The following DLC1 variants were observed in gnomAD, a reference collection of about 807,000 sequenced individuals.
DLC1 encodes DLC1 Rho GTPase activating protein.
A neutral mutation model predicts 140.3 loss-of-function variants in DLC1; 54 were observed. The observed-to-expected ratio is 0.38, with a 90% CI of 0.31 to 0.48. The LOEUF (loss-of-function observed/expected upper bound fraction) is 0.48, where lower values mean the gene tolerates loss of function less well. DLC1 is among the 20% of genes least tolerant of loss of function. DLC1 has a pLI of 0.96. For synonymous variants in DLC1, 986 were observed against 728.1 expected, an observed-to-expected ratio of 1.35 and a Z score of -5.70; for missense variants, 2,536 against 1,907.0, an observed-to-expected ratio of 1.33 and a Z score of -6.14.
chr8:13,410,184 TA>T (rs1422764886), intron 2 of DLC1, among the ~76,000 whole-genome samples: 1 of 151,946 alleles, frequency 6.6e-6, no homozygotes, highest in African/African-American at 2.4e-5. Context: ...CAAAATAAAT[TA>T]AAATTAAAAA....
chr8:13,545,380 G>C (rs1563431912), intron 1 of DLC1, among the ~76,000 whole-genome samples: 1 of 151,698 alleles, frequency 6.6e-6, no homozygotes, highest in Non-Finnish European at 1.5e-5. Flanking sequence ...AGCTCCAGCT[G>C]CATAAATGTC....
intron 5 of DLC1, among the ~76,000 whole-genome samples, chr8:13,151,529 TAGTC>T (rs1299233966): frequency 2.0e-5 from 3 of 152,186 alleles, no homozygotes; most frequent in Non-Finnish European, 4.4e-5. Context: ...TCAATGGAAT[TAGTC>T]AGTCTAGAAA....
chr8:13,393,429 T>C, intron 4 of DLC1, 124 bp downstream of exon 4: 1 of 1,108,072 alleles, frequency 9.0e-7, no homozygotes, highest in Non-Finnish European at 1.2e-6. Context: ...ATAAATTAAA[T>C]ATCATTAAGT....
intron 2 of DLC1, among the ~76,000 whole-genome samples, chr8:13,453,556 ATTTTTTTT>A (rs370075708): frequency 2.6e-4 from 7 of 26,928 alleles, no homozygotes; most frequent in Non-Finnish European, 4.6e-4. Flanking sequence ...ATATATATAT[ATTTTTTTT>A]TTTTTTTTTT....
intron 2 of DLC1, among the ~76,000 whole-genome samples, chr8:13,496,819 GA>G (rs1801535896): frequency 7.6e-5 from 1 of 13,110 alleles, no homozygotes; most frequent in Non-Finnish European, 1.7e-4. Context: ...TTTTTTTTTT[GA>G]GATGGAGTTT....
rs751298283 is a variant in DLC1 at position 13,276,422 on chromosome 8, G to A, written c.1348+28847C>T. 4.9e-6 allele frequency: 7 copies of A among 1,441,552 alleles called. No individual in the cohort carries two copies. The Admixed American group carries it at 1.8e-4, about 38-fold the overall frequency. The allele number at this position is 1,441,552 out of a possible 1,614,324, so 89.3% of individuals were successfully genotyped here. A position where few individuals can be genotyped will look rare whatever the true frequency, so the allele number is the denominator to read the frequency against. On this transcript the variant is annotated intron_variant, in intron 5 of 17. Coordinates refer to ENST00000276297, the MANE Select transcript of DLC1 (RefSeq NM_182643.3). ...CCATCCGCTCGCAGACGCCTTCAGC[G>A]CAGCCCGGGCGCCGCGACCATGCCT... is the stretch of plus-strand genomic sequence containing the variant.
chr8:13,271,133 A>T (rs1054082796), intron 5 of DLC1, among the ~76,000 whole-genome samples: 1 of 152,196 alleles, frequency 6.6e-6, no homozygotes, highest in Admixed American at 6.5e-5. Flanking sequence ...ATTTAACTTA[A>T]TCTAGATACA....
intron 5 of DLC1, among the ~76,000 whole-genome samples, chr8:13,145,903 G>C (rs755190851): frequency 6.6e-6 from 1 of 152,126 alleles, no homozygotes; most frequent in Non-Finnish European, 1.5e-5. Flanking sequence ...TAACAGGAAA[G>C]AATATTCTAG....
At chr8:13,469,506 C>T (rs1003678836) in intron 2 of DLC1, among the ~76,000 whole-genome samples, 4 of 152,034 alleles carry the variant, frequency 2.6e-5, no homozygotes, top group Admixed American at 2.0e-4. Context: ...ACATTGTGGC[C>T]ATTAAAAGCA....
At chr8:13,494,488 A>T (rs991882904) in intron 2 of DLC1, among the ~76,000 whole-genome samples, 1 of 152,102 alleles carries the variant, frequency 6.6e-6, no homozygotes, top group African/African-American at 2.4e-5. Flanking sequence ...AATGTAGAGG[A>T]GGACTCGAGA....
At chr8:13,265,240 G>C (rs894959583) in intron 5 of DLC1, among the ~76,000 whole-genome samples, 8 of 152,162 alleles carry the variant, frequency 5.3e-5, no homozygotes, top group African/African-American at 1.9e-4. Context: ...TGAATAGGGA[G>C]AGAAATATGG....
chr8:13,450,894 C>T (rs529121638), intron 2 of DLC1, among the ~76,000 whole-genome samples: 3 of 151,538 alleles, frequency 2.0e-5, no homozygotes, highest in Admixed American at 6.6e-5. Flanking sequence ...CAAAAATTAG[C>T]TGGGCATGGT....
intron 5 of DLC1, among the ~76,000 whole-genome samples, chr8:13,194,125 A>G (rs1247227275): frequency 6.6e-6 from 1 of 152,234 alleles, no homozygotes; most frequent in East Asian, 1.9e-4. Context: ...AGAAATGAGC[A>G]CTTAATCTTC....
rs1368440439 is a variant in DLC1, at chr8:13,224,448, A to T, written c.1348+80821T>A. Among the ~76,000 whole-genome samples the T allele has an allele frequency of 3.3e-5, 5 of 152,280 alleles. No homozygotes were observed. The East Asian group carries it at 9.7e-4, about 29-fold the overall frequency. On this transcript the variant is annotated intron_variant, in intron 5 of 17. Transcript: ENST00000276297. ...AATCCAAGCAGTATCTGTGGGCTAC[A>T]AATGCCCGTGTCATTAATTCTGGAA...
At chr8:13,217,182 A>G (rs886530041) in intron 5 of DLC1, among the ~76,000 whole-genome samples, 5 of 152,208 alleles carry the variant, frequency 3.3e-5, no homozygotes, top group Admixed American at 6.5e-5. Context: ...TACTATTTGT[A>G]TAGCTGTGAG....
intron 6 of DLC1, among the ~76,000 whole-genome samples, chr8:13,112,036 C>G (rs1820160051): frequency 6.6e-6 from 1 of 152,086 alleles, no homozygotes; most frequent in Non-Finnish European, 1.5e-5. Flanking sequence ...GCTGTGGTCT[C>G]AGCTACATGG....
intron 5 of DLC1, among the ~76,000 whole-genome samples, chr8:13,266,042 A>C (rs956613359): frequency 1.3e-5 from 2 of 152,188 alleles, no homozygotes; most frequent in African/African-American, 2.4e-5. Context: ...CTTAAGTTCT[A>C]AGTCATCAAT....
At chr8:13,193,118 TGG>T (rs1355811083) in intron 5 of DLC1, among the ~76,000 whole-genome samples, 2 of 152,196 alleles carry the variant, frequency 1.3e-5, no homozygotes, top group African/African-American at 4.8e-5. Context: ...GTCTTCCTTA[TGG>T]AGAGACCTCT....
intron 5 of DLC1, among the ~76,000 whole-genome samples, chr8:13,150,185 C>A (rs545370551): frequency 6.6e-6 from 1 of 152,306 alleles, no homozygotes; most frequent in Admixed American, 6.5e-5. Context: ...CTATGGGTTG[C>A]GTCTGGGGAG....
Sources: gnomAD v4.1 joint callset for allele counts (sites outside exome capture counted in the v4.1 genomes callset) on GRCh38, gnomAD v4.1.1 for gene constraint, MANE v1.5 for transcripts, NCBI Gene and HGNC (gene_info 2026-07-23, HGNC 2026-07-21) for gene names.